The following SH2B3 variants were observed in gnomAD, a reference collection of about 807,000 sequenced individuals.
SH2B3 encodes SH2B adapter protein 3.
In SH2B3, 43 loss-of-function variants were observed where a neutral mutation model predicts 51.9. The observed-to-expected ratio is 0.83, with a 90% CI of 0.65 to 1.07. The LOEUF (loss-of-function observed/expected upper bound fraction) is 1.07. Ranked by LOEUF, SH2B3 falls within the 50% of genes least tolerant of loss-of-function variation. The pLI is 0.00. For synonymous variants in SH2B3, 396 were observed against 376.0 expected, an observed-to-expected ratio of 1.05 and a Z score of -0.62; for missense variants, 952 against 834.3, an observed-to-expected ratio of 1.14 and a Z score of -1.74.
chr12:111,445,736 T>C (rs1873891922), intron 2 of SH2B3, among the ~76,000 whole-genome samples: 1 of 152,210 alleles, frequency 6.6e-6, no homozygotes, highest in Non-Finnish European at 1.5e-5. Flanking sequence ...TCATTGACTC[T>C]CCTGCAGGTG....
intron 2 of SH2B3, among the ~76,000 whole-genome samples, chr12:111,430,250 C>T (rs1872361179): frequency 6.6e-6 from 1 of 152,208 alleles, no homozygotes; most frequent in Non-Finnish European, 1.5e-5. Flanking sequence ...GCCCCATCTG[C>T]CCCCTTATTG....
intron 2 of SH2B3, among the ~76,000 whole-genome samples, chr12:111,420,367 C>CA (rs59301682): frequency 0.14 from 8,740 of 63,334 alleles, 697 homozygotes; most frequent in East Asian, 0.3. Context: ...GACCCTGTCT[C>CA]AAAAAAAAAA....
At position 111,435,981 on chromosome 12, in the gene SH2B3, G is replaced by A. The variant is rs1385224485; in HGVS notation, c.733-10772G>A. Among the ~76,000 whole-genome samples the A allele has an allele frequency of 2.0e-5, 3 of 152,182 alleles. No homozygotes were observed. The highest frequency in any genetic ancestry group is 2.9e-5 in the Non-Finnish European group (2 of 68,024). ...TGGAGTGGGGTCTGGTGGCCCTGCC[G>A]TGTATGGAGCTGAGTGCCGCCCAGA... On this transcript the variant is annotated intron_variant, in intron 2 of 7. Transcript: ENST00000341259. This position sits in a 1 kb window ranked among gnomAD's most constrained non-coding sequence, Gnocchi z 4.8.
Position 111,447,434 on chromosome 12 carries a change from C to G in SH2B3, c.1126C>G (p.Gln376Glu), listed in dbSNP as rs1874107838. Residue 376 changes from glutamine to glutamate, a missense_variant, in exon 6 of 8, where the codon CAG becomes GAG. By Grantham distance (29) the Gln-to-Glu change is conservative. Coordinates refer to ENST00000341259, the MANE Select transcript of SH2B3 (RefSeq NM_005475.3). Reference sequence around the variant, plus strand: ...CCCCATCTCCAGAGTGAAAGCAGCTCAGCTGGTTCAGCTGCAGGGCCCTGA... The same window carrying G: ...CCCCATCTCCAGAGTGAAAGCAGCTGAGCTGGTTCAGCTGCAGGGCCCTGA... Reference protein sequence around the residue: ...HGPISRVKAAQLVQLQGPDAH... With the variant: ...HGPISRVKAAELVQLQGPDAH... 8 of 1,613,686 alleles carry G rather than the reference C, an allele frequency of 5.0e-6. No individual in the cohort carries two copies. The highest frequency in any genetic ancestry group is 6.8e-6 in the Non-Finnish European group (8 of 1,179,812).
chr12:111,447,355 C>T lies in SH2B3; in HGVS notation c.1047C>T (p.Asp349=), dbSNP rs1874095492. The change falls in exon 6 of 8, where the codon GAC becomes GAT. Residue 349 remains aspartate, a synonymous_variant. Coordinates refer to ENST00000341259, the MANE Select transcript of SH2B3 (RefSeq NM_005475.3). ...GTGCTTCTCCTGGGGGGCTGCTGGA[C>T]CCGGCCTGCCAGAAGACGGACCATT... ...NQGASPGGLL[D]PACQKTDHFL... The T allele has an allele frequency of 6.2e-7, 1 of 1,614,018 alleles. No individual in the cohort carries two copies. The highest frequency in any genetic ancestry group is 1.7e-5 in the Admixed American group (1 of 60,020).
At chr12:111,441,735 A>G (rs978878541) in intron 2 of SH2B3, among the ~76,000 whole-genome samples, 1 of 152,112 alleles carries the variant, frequency 6.6e-6, no homozygotes, top group African/African-American at 2.4e-5. Flanking sequence ...AGGACTTCTC[A>G]GAGTCTTTAA....
Position 111,448,285 on chromosome 12 carries a change from C to G in SH2B3, c.1711C>G (p.Gln571Glu). 1 of 1,608,450 alleles carries G rather than the reference C, an allele frequency of 6.2e-7. No homozygotes were observed. Among genetic ancestry groups the G allele is most frequent in the Admixed American group, 1.7e-5 (1 of 59,854 alleles). Residue 571 changes from glutamine (Q) to glutamate (E), a missense_variant, in exon 8 of 8, where the codon CAG becomes GAG. Transcript: ENST00000341259. ...SRSHLRAIDN[Q>E]YTPL ...GAGCCACCTGCGGGCCATAGACAAT[C>G]AGTACACACCTCTCTGACCAGTGAG...
intron 2 of SH2B3, among the ~76,000 whole-genome samples, chr12:111,430,949 CCCCCACCCAGTTCTT>C (rs1872430950): frequency 2.6e-5 from 4 of 151,914 alleles, no homozygotes; most frequent in Admixed American, 2.6e-4. Context: ...TGCTGGAAAT[CCCCCACCCAGTTCTT>C]TGTGAATGGA....
chr12:111,435,491 G>A lies in SH2B3; in HGVS notation c.733-11262G>A, dbSNP rs539726470. On this transcript the variant is annotated intron_variant, in intron 2 of 7. Coordinates refer to ENST00000341259, the MANE Select transcript of SH2B3 (RefSeq NM_005475.3). This position sits in a 1 kb window ranked among gnomAD's most constrained non-coding sequence, Gnocchi z 4.8. The stretch of plus-strand genomic sequence containing the variant: ...TTCTCGTGCCTCAGCCTCCTGAGTA[G>A]CTGGGACTACACATGCACCACCACG... 6.6e-6 allele frequency among the ~76,000 whole-genome samples: 1 copy of A among 152,348 alleles called. No individual in the cohort carries two copies. Among genetic ancestry groups the A allele is most frequent in the East Asian group, 1.9e-4 (1 of 5,180 alleles).
rs955018612 is a variant in SH2B3 at position 111,447,406 on chromosome 12, C to T, written c.1098C>T (p.His366=). 2.0e-5 allele frequency: 33 copies of T among 1,613,894 alleles called. No homozygotes were observed. Among genetic ancestry groups the T allele is most frequent in the Non-Finnish European group, 2.5e-5 (30 of 1,179,924 alleles). Residue 366 remains histidine, a synonymous_variant, in exon 6 of 8, where the codon CAC becomes CAT. Coordinates refer to ENST00000341259, the MANE Select transcript of SH2B3 (RefSeq NM_005475.3). The stretch of plus-strand genomic sequence containing the variant: ...TCCTGTCCTGCTACCCCTGGTTCCA[C>T]GGCCCCATCTCCAGAGTGAAAGCAG... ...DHFLSCYPWF[H]GPISRVKAAQ...
At chr12:111,412,750 T>C (rs1032467863) in intron 1 of SH2B3, among the ~76,000 whole-genome samples, 2 of 152,068 alleles carry the variant, frequency 1.3e-5, no homozygotes, top group African/African-American at 4.8e-5. Context: ...TTTGTATTTA[T>C]AGTAGACATA....
chr12:111,419,636 C>CAA (rs56699658), intron 2 of SH2B3, among the ~76,000 whole-genome samples: 23 of 130,350 alleles, frequency 1.8e-4, no homozygotes, highest in African/African-American at 5.4e-4. Context: ...GACTCTGTCT[C>CAA]AAAAAAAAAA....
chr12:111,447,731 C>T lies in SH2B3; in HGVS notation c.1312C>T (p.Leu438Phe). The change falls in exon 7 of 8, where the codon CTC becomes TTC. Residue 438 changes from leucine (L) to phenylalanine (F), a missense_variant. Coordinates refer to ENST00000341259, the MANE Select transcript of SH2B3 (RefSeq NM_005475.3). The stretch of plus-strand genomic sequence containing the variant: ...CCACTTTCCCTCGGTCGTGGACATG[C>T]TCCACCACTTCCAGCGCTCGCCCAT... The part of the protein sequence containing the change: ...HLHFPSVVDM[L>F]HHFQRSPIPL... 1 of 1,614,108 alleles carries T rather than the reference C, an allele frequency of 6.2e-7. No individual in the cohort carries two copies. The highest frequency in any genetic ancestry group is 8.5e-7 in the Non-Finnish European group (1 of 1,180,000).
chr12:111,418,386 G>A lies in SH2B3; in HGVS notation c.241G>A (p.Asp81Asn). 3.3e-6 allele frequency: 5 copies of A among 1,505,936 alleles called. No homozygotes were observed. The highest frequency in any genetic ancestry group is 3.5e-6 in the Non-Finnish European group (4 of 1,133,566). 93.3% of individuals were successfully genotyped at this position (1,505,936 alleles called of 1,614,324 possible). A position where few individuals can be genotyped will look rare whatever the true frequency, so the allele number is the denominator to read the frequency against. Reference protein sequence around the residue: ...FQRYFCREVRDGRAPGRDYRD... With the variant: ...FQRYFCREVRNGRAPGRDYRD... ...GCGCTACTTCTGCCGCGAGGTGCGC[G>A]ACGGACGGGCGCCGGGCCGCGACTA... The change falls in exon 2 of 8, where the codon GAC becomes AAC. Residue 81 changes from aspartate (D) to asparagine (N), a missense_variant. Coordinates refer to ENST00000341259, the MANE Select transcript of SH2B3 (RefSeq NM_005475.3). This position sits in a 1 kb window ranked among gnomAD's most constrained non-coding sequence, Gnocchi z 6.7.
chr12:111,408,185 T>G (rs2135530008), intron 1 of SH2B3, among the ~76,000 whole-genome samples: 1 of 152,278 alleles, frequency 6.6e-6, no homozygotes, highest in South Asian at 2.1e-4. Flanking sequence ...GGCACTTCCT[T>G]AGCTATAAGG....
intron 1 of SH2B3, among the ~76,000 whole-genome samples, chr12:111,408,618 G>C (rs746261028): frequency 1.3e-5 from 2 of 152,200 alleles, no homozygotes; most frequent in Non-Finnish European, 1.5e-5. Flanking sequence ...CCACCTGTCT[G>C]TGGTGAGGGG....
chr12:111,443,993 C>T (rs1486892369), intron 2 of SH2B3: 1 of 152,182 alleles, frequency 6.6e-6, no homozygotes, highest in Non-Finnish European at 1.5e-5. Context: ...AAGTTCGAGA[C>T]CAACCTGGCC....
At chr12:111,446,882 G>A in intron 3 of SH2B3, 28 bp downstream of exon 3, 3 of 1,604,856 alleles carry the variant, frequency 1.9e-6, no homozygotes, top group Non-Finnish European at 2.6e-6. Context: ...TCACACCCTG[G>A]GGCAATACAA....
At chr12:111,421,225 C>G (rs1871526408) in intron 2 of SH2B3, among the ~76,000 whole-genome samples, 1 of 152,106 alleles carries the variant, frequency 6.6e-6, no homozygotes, top group East Asian at 1.9e-4. Context: ...TCGCTGTAGC[C>G]TCAACCTCCC....
Sources: allele counts gnomAD v4.1 joint callset (sites outside exome capture counted in the v4.1 genomes callset), GRCh38; gene constraint gnomAD v4.1.1; non-coding constraint Gnocchi (gnomAD v3.1); transcripts MANE v1.5; gene names NCBI Gene and HGNC (gene_info 2026-07-23, HGNC 2026-07-21).